TEX11: variants seen among roughly 807,000 people sequenced by gnomAD.
TEX11 encodes testis expressed 11, also known as testis-expressed protein 11.
TEX11 carries 7 observed loss-of-function variants against 84.4 expected under a neutral mutation model. The ratio of observed to expected loss-of-function variants is 0.08; its 90% CI spans 0.05 to 0.16. TEX11 has a LOEUF of 0.16. Ranked by LOEUF, TEX11 falls within the 10% of genes least tolerant of loss-of-function variation. TEX11 has a pLI of 1.00. For synonymous variants in TEX11, 264 were observed against 222.8 expected (o/e 1.18, Z -1.64); for missense variants, 551 against 660.5 (o/e 0.83, Z 1.82).
chrX:70,838,875 T>C (rs1451566071), intron 7 of TEX11, among the ~76,000 whole-genome samples: 2 of 111,771 alleles, frequency 1.8e-5, no homozygotes, highest in Non-Finnish European at 3.8e-5. Context: ...ACCCATGGAG[T>C]CTCGCTCATT....
intron 2 of TEX11, among the ~76,000 whole-genome samples, chrX:70,891,200 C>T (rs777292068): frequency 9.1e-6 from 1 of 109,765 alleles, no homozygotes; most frequent in South Asian, 3.9e-4. Context: ...ACAAAAAGGA[C>T]ATCTACACCA....
chrX:70,797,539 G>A (rs6653178), intron 9 of TEX11, among the ~76,000 whole-genome samples: 9,079 of 108,973 alleles, frequency 0.083, 360 homozygotes, highest in African/African-American at 0.15. Flanking sequence ...CATTCTATGA[G>A]GCCAGCATTA....
chrX:70,516,028 G>A, the TEX11 span, among the ~76,000 whole-genome samples: 1 of 111,779 alleles, frequency 8.9e-6, no homozygotes, highest in Non-Finnish European at 1.9e-5. Context: ...TTAGCCCTTT[G>A]TCAGAAGAGT....
intron 25 of TEX11, among the ~76,000 whole-genome samples, chrX:70,588,723 T>G (rs2147493134): frequency 8.9e-6 from 1 of 111,783 alleles, no homozygotes; most frequent in African/African-American, 3.2e-5. Context: ...TACATTATGC[T>G]AAGTGAAATA....
At chrX:70,596,223 T>C (rs1286210171) in intron 24 of TEX11, among the ~76,000 whole-genome samples, 1 of 111,362 alleles carries the variant, frequency 9.0e-6, no homozygotes, top group Non-Finnish European at 1.9e-5. Context: ...AAGTAATGAA[T>C]AGAATAAGTA....
chrX:70,887,575 G>A (rs981290897), intron 2 of TEX11, among the ~76,000 whole-genome samples: 1 of 112,201 alleles, frequency 8.9e-6, no homozygotes, highest in Non-Finnish European at 1.9e-5. Flanking sequence ...CCAGGTAGAT[G>A]TCTAAGGTTT....
chrX:70,726,616 C>T lies in TEX11; in HGVS notation c.844-1273G>A, dbSNP rs2090601360. Among the ~76,000 whole-genome samples the T allele has an allele frequency of 1.8e-5, 2 of 110,558 alleles. 1 individual carries two copies. Among genetic ancestry groups the T allele is most frequent in the Admixed American group, 1.9e-4 (2 of 10,304 alleles). On this transcript the variant is annotated intron_variant, in intron 11 of 29. Transcript: ENST00000374333. Reference sequence around the variant, plus strand: ...CACAATCTCGGCTCACTGCAACCTCCGTCTCCCAGGTTCAAGCAATTCTCC... The same window carrying T: ...CACAATCTCGGCTCACTGCAACCTCTGTCTCCCAGGTTCAAGCAATTCTCC...
At chrX:70,609,005 C>T in intron 22 of TEX11, 86 bp downstream of exon 22, 3 of 776,014 alleles carry the variant, frequency 3.9e-6, no homozygotes, top group South Asian at 5.9e-5. Context: ...CCCACAGCTA[C>T]AAATGAAAGA....
chrX:70,542,738 A>C (rs749605269), intron 28 of TEX11, among the ~76,000 whole-genome samples: 4 of 112,194 alleles, frequency 3.6e-5, no homozygotes, highest in Non-Finnish European at 7.5e-5. Context: ...TGCTCAGTGA[A>C]TAATGAATGA....
At chrX:70,616,416 T>C (rs1334770606) in intron 20 of TEX11, among the ~76,000 whole-genome samples, 1 of 111,529 alleles carries the variant, frequency 9.0e-6, no homozygotes, top group Non-Finnish European at 1.9e-5. Flanking sequence ...GCAAGCCTCA[T>C]GATAACCTCA....
chrX:70,900,181 A>C (rs751201814), intron 2 of TEX11, among the ~76,000 whole-genome samples: 1 of 106,295 alleles, frequency 9.4e-6, no homozygotes, highest in East Asian at 2.9e-4. Context: ...AAAACAAACA[A>C]AAAATTAATT....
chrX:70,609,645 T>A (rs1334948361), intron 21 of TEX11, among the ~76,000 whole-genome samples: 1 of 111,995 alleles, frequency 8.9e-6, no homozygotes, highest in African/African-American at 3.2e-5. Context: ...ACCAGCAAAG[T>A]TTTTCTCTTT....
chrX:70,518,842 G>A, the TEX11 span, among the ~76,000 whole-genome samples: 1 of 112,169 alleles, frequency 8.9e-6, no homozygotes. Context: ...AGCTCTTCTT[G>A]TTGAATTGAT....
intron 13 of TEX11, among the ~76,000 whole-genome samples, chrX:70,712,382 G>A (rs1340018227): frequency 9.1e-6 from 1 of 109,926 alleles, no homozygotes; most frequent in African/African-American, 3.4e-5. Flanking sequence ...ACCTTGGGCA[G>A]TATGGCCATT....
chrX:70,626,440 TG>T (rs1280853903), intron 18 of TEX11, among the ~76,000 whole-genome samples: 1 of 110,591 alleles, frequency 9.0e-6, no homozygotes, highest in Non-Finnish European at 1.9e-5. Context: ...CTTTCCAACT[TG>T]ATACCTCTAT....
intron 8 of TEX11, among the ~76,000 whole-genome samples, chrX:70,808,759 A>G (rs924368096): frequency 2.7e-5 from 3 of 110,909 alleles, no homozygotes; most frequent in African/African-American, 6.5e-5. Flanking sequence ...ATTGCAACAC[A>G]TTTCTCAGTA....
intron 9 of TEX11, among the ~76,000 whole-genome samples, chrX:70,757,951 A>G (rs1338861287): frequency 9.0e-6 from 1 of 111,445 alleles, no homozygotes; most frequent in Non-Finnish European, 1.9e-5. Flanking sequence ...TGGAAAGCAG[A>G]AAAAAAAGCA....
At chrX:70,520,087 G>C in the TEX11 span, among the ~76,000 whole-genome samples, 1 of 111,821 alleles carries the variant, frequency 8.9e-6, no homozygotes, top group Non-Finnish European at 1.9e-5. Context: ...GGAGAAGTTT[G>C]TTGTTACCGA....
chrX:70,556,928 C>A (rs757478436), intron 25 of TEX11, among the ~76,000 whole-genome samples: 3 of 109,535 alleles, frequency 2.7e-5, no homozygotes, highest in Non-Finnish European at 5.7e-5. Flanking sequence ...AACTAATCAG[C>A]AAGTTCATCA....
Sources: allele counts gnomAD v4.1 joint callset (sites outside exome capture counted in the v4.1 genomes callset), GRCh38; gene constraint gnomAD v4.1.1; transcripts MANE v1.5; gene names NCBI Gene and HGNC (gene_info 2026-07-23, HGNC 2026-07-21).